Variants in TSR1 observed in about 807,000 individuals in gnomAD.
TSR1 encodes the protein pre-rRNA-processing protein TSR1 homolog.
Under a neutral mutation model 90.9 loss-of-function variants are expected in TSR1, and 81 were observed. The ratio of observed to expected loss-of-function variants is 0.89; its 90% CI spans 0.74 to 1.07. The LOEUF (loss-of-function observed/expected upper bound fraction) is 1.07. Ranked by LOEUF, TSR1 falls within the 50% of genes least tolerant of loss-of-function variation. The pLI, the probability that TSR1 is intolerant of heterozygous loss-of-function variation, is 0.00. For synonymous variants in TSR1, 362 were observed against 348.8 expected (o/e 1.04, Z -0.42); for missense variants, 989 against 987.3 (o/e 1.00, Z -0.02).
chr17:2,329,405 A>G lies in TSR1; in HGVS notation c.1841T>C (p.Leu614Pro). The G allele has an allele frequency of 2.5e-6, 4 of 1,614,204 alleles. No individual in the cohort carries two copies. Among genetic ancestry groups the G allele is most frequent in the Non-Finnish European group, 3.4e-6 (4 of 1,180,034 alleles). The part of the protein sequence containing the change: ...NTEPVKAKEE[L>P]IFHCGFRRFR... ...GCGCCTGAATCCACAGTGAAATATG[A>G]GCTCTTCCTTGGCTTTCACAGGTTC... Residue 614 changes from leucine (L) to proline (P), a missense_variant, in exon 11 of 15, where the codon CTC becomes CCC. Transcript: ENST00000301364.
chr17:2,334,622 A>C lies in TSR1; in HGVS notation c.831T>G (p.Tyr277Ter). ...NLVGTLKISG[Y>*]VRGQTLNVNR... ...TGACATTCAGAGTCTGCCCTCGAAC[A>C]TAGCCTGAAATTTTCAAGGTGCCCA... The change falls in exon 5 of 15, where the codon TAT becomes TAG. Residue 277 changes from tyrosine to a stop codon, truncating the protein, a stop_gained. Coordinates refer to ENST00000301364, the MANE Select transcript of TSR1 (RefSeq NM_018128.5). LOFTEE classifies it high-confidence loss of function. The C allele has an allele frequency of 6.2e-7, 1 of 1,614,044 alleles. No individual in the cohort carries two copies. Among genetic ancestry groups the C allele is most frequent in the Non-Finnish European group, 8.5e-7 (1 of 1,180,030 alleles).
chr17:2,334,668 G>A lies in TSR1; in HGVS notation c.785C>T (p.Pro262Leu), dbSNP rs779358856. The change falls in exon 5 of 15, where the codon CCT becomes CTT. Residue 262 changes from proline to leucine, a missense_variant. Transcript: ENST00000301364. Reference sequence around the variant, plus strand: ...GCCCACCAAGTTATTCTCTTCACTAGGAACAAAATCAACAGCATGGGCAAA... The same window carrying A: ...GCCCACCAAGTTATTCTCTTCACTAAGAACAAAATCAACAGCATGGGCAAA... ...YLFAHAVDFV[P>L]SEENNLVGTL... 35 of 1,613,522 alleles carry A rather than the reference G, an allele frequency of 2.2e-5. No individual in the cohort carries two copies. In the African/African-American group the frequency reaches 3.1e-4, roughly 14 times the overall value.
At chr17:2,326,767 G>A (rs2075578206) in intron 11 of TSR1, among the ~76,000 whole-genome samples, 1 of 152,130 alleles carries the variant, frequency 6.6e-6, no homozygotes, top group African/African-American at 2.4e-5. Flanking sequence ...CTCCCAAGTA[G>A]CTGGGACTGC....
chr17:2,336,420 G>A lies in TSR1; in HGVS notation c.8C>T (p.Ala3Val), dbSNP rs756774567. The change falls in exon 1 of 15, where the codon GCC becomes GTC. Residue 3 changes from alanine to valine, a missense_variant. Transcript: ENST00000301364. MA[A>V]HRPGPLKQQN... Reference sequence around the variant, plus strand: ...CTGCTTGAGCGGGCCGGGGCGGTGGGCCGCCATGCCGCAGCGCGCGTGTAC... The same window carrying A: ...CTGCTTGAGCGGGCCGGGGCGGTGGACCGCCATGCCGCAGCGCGCGTGTAC... 9.3e-6 allele frequency: 15 copies of A among 1,609,528 alleles called. No individual in the cohort carries two copies. Among genetic ancestry groups the A allele is most frequent in the Non-Finnish European group, 1.2e-5 (14 of 1,179,734 alleles).
In TSR1 at chr17:2,335,345, C is replaced by A; in HGVS notation, c.471G>T (p.Leu157=). Residue 157 remains leucine, a synonymous_variant, in exon 4 of 15, where the codon CTG becomes CTT. Transcript: ENST00000301364. ...AGCCTTCTAGTGGATCAAGGAGGAA[C>A]AGGATGGTATCAGCTACTTTAGCCA... ...LDMAKVADTI[L]FLLDPLEGWD... 1.2e-6 allele frequency: 2 copies of A among 1,613,274 alleles called. No homozygotes were observed. The highest frequency in any genetic ancestry group is 1.7e-6 in the Non-Finnish European group (2 of 1,179,966).
chr17:2,335,643 G>C lies in TSR1; in HGVS notation c.289C>G (p.Pro97Ala). ...VVPLHSRISL[P>A]EAMQLLQDRD... ...TCTTGAAGCAGCTGCATGGCCTCTG[G>C]CAGGGAAATTCTGCTGTGCAGGGGC... The change falls in exon 3 of 15, where the codon CCA (proline) becomes GCA (alanine). Residue 97 changes from proline (P) to alanine (A), a missense_variant. Coordinates refer to ENST00000301364, the MANE Select transcript of TSR1 (RefSeq NM_018128.5). 6.2e-7 allele frequency: 1 copy of C among 1,614,112 alleles called. No homozygotes were observed.
At position 2,336,093 on chromosome 17, in the gene TSR1, T is replaced by G; in HGVS notation, c.145A>C (p.Ser49Arg). 2 of 1,614,234 alleles carry G rather than the reference T, an allele frequency of 1.2e-6. No homozygotes were observed. The highest frequency in any genetic ancestry group is 1.7e-6 in the Non-Finnish European group (2 of 1,180,038). Residue 49 changes from serine to arginine, a missense_variant, in exon 2 of 15, where the codon AGC becomes CGC. Physicochemically the swap from Ser to Arg is moderately radical, Grantham distance 110. Coordinates refer to ENST00000301364, the MANE Select transcript of TSR1 (RefSeq NM_018128.5). ...GCGCGATGCCTCTGGTCGACTCTGC[T>G]GAGTTCTTTTCTCACCTTCTTGCTT... Reference protein sequence around the residue: ...TLSKKVRKELSRVDQRHRASQ... With the variant: ...TLSKKVRKELRRVDQRHRASQ...
At chr17:2,335,930 C>A (rs2064066997) in intron 2 of TSR1, 107 bp downstream of exon 2, 1 of 1,321,792 alleles carries the variant, frequency 7.6e-7, no homozygotes. Flanking sequence ...TGCTCTAGGG[C>A]TATGCTCTGT....
At chr17:2,330,457 G>A in intron 10 of TSR1, 58 bp downstream of exon 10, 1 of 1,508,128 alleles carries the variant, frequency 6.6e-7, no homozygotes, top group Non-Finnish European at 9.2e-7. Context: ...ATTTTAGACT[G>A]TCAGAAGCAG....
At position 2,336,109 on chromosome 17, in the gene TSR1, CTTCTTGCTTAGGGTTTTCAG is replaced by C. The variant is rs1424521247; in HGVS notation, c.109_128del (p.Leu37GlyfsTer63). The stretch of plus-strand genomic sequence containing the variant: ...CGACTCTGCTGAGTTCTTTTCTCAC[CTTCTTGCTTAGGGTTTTCAG>C]TGCCAGACGGCCTGAATGGCAGATT... On this transcript the variant is annotated frameshift_variant, in exon 2 of 15. Transcript: ENST00000301364. LOFTEE classifies it high-confidence loss of function. The C allele has an allele frequency of 6.2e-7, 1 of 1,614,052 alleles. No individual in the cohort carries two copies. Among genetic ancestry groups the C allele is most frequent in the Non-Finnish European group, 8.5e-7 (1 of 1,180,044 alleles).
chr17:2,322,963 C>T lies in TSR1; in HGVS notation c.*1233G>A, dbSNP rs964042700. The T allele has an allele frequency of 1.6e-6, 1 of 608,518 alleles. No individual in the cohort carries two copies. The highest frequency in any genetic ancestry group is 1.9e-5 in the African/African-American group (1 of 53,948). The allele number at this position is 608,518 out of a possible 1,614,324, so 37.7% of individuals were successfully genotyped here. On this transcript the variant is annotated 3_prime_UTR_variant, in exon 15 of 15. Coordinates refer to ENST00000301364, the MANE Select transcript of TSR1 (RefSeq NM_018128.5). ...TATTTTTAGTTGACACTGCATTTCA[C>T]CAGGTTGGCCAGGCTGGTCTTGAAC...
intron 2 of TSR1, 26 bp downstream of exon 2, chr17:2,336,011 A>G (rs1254270579): frequency 6.2e-7 from 1 of 1,611,792 alleles, no homozygotes; most frequent in Non-Finnish European, 8.5e-7. Flanking sequence ...GAGAAGCCGC[A>G]TTCTCCCAAA....
chr17:2,335,981 A>G, intron 2 of TSR1, 56 bp downstream of exon 2: 1 of 1,572,070 alleles, frequency 6.4e-7, no homozygotes, highest in Non-Finnish European at 8.7e-7. Flanking sequence ...ACTTCGAGGC[A>G]TTAGCCACCT....
Position 2,332,357 on chromosome 17 carries a change from A to G in TSR1, c.1308T>C (p.Asp436=), listed in dbSNP as rs1464598478. The change falls in exon 8 of 15, where the codon GAT becomes GAC. Residue 436 remains aspartate, a splice_region_variant and synonymous_variant. Coordinates refer to ENST00000301364, the MANE Select transcript of TSR1 (RefSeq NM_018128.5). ...ATTCTTCCTCTTCTTCACTACTCTC[A>G]TCCTGTAGAATAGGATTACAGTTTT... ...HEDFMEEESQ[D]ESSEEEEEYE... 2 of 1,589,116 alleles carry G rather than the reference A, an allele frequency of 1.3e-6. No homozygotes were observed. Among genetic ancestry groups the G allele is most frequent in the Non-Finnish European group, 1.7e-6 (2 of 1,171,992 alleles).
At position 2,333,118 on chromosome 17, in the gene TSR1, A is replaced by G; in HGVS notation, c.1148T>C (p.Leu383Ser). 1 of 1,613,172 alleles carries G rather than the reference A, an allele frequency of 6.2e-7. No individual in the cohort carries two copies. Among genetic ancestry groups the G allele is most frequent in the South Asian group, 1.1e-5 (1 of 90,878 alleles). The change falls in exon 7 of 15, where the codon TTG becomes TCG. Residue 383 changes from leucine (L) to serine (S), a missense_variant. By Grantham distance (145) the Leu-to-Ser change is moderately radical. Transcript: ENST00000301364. ...EEELSEAKDFLKESSKVVKKV... is the reference protein window; with the variant it reads ...EEELSEAKDFSKESSKVVKKV... ...CTTTACCACCTTAGAACTTTCCTTC[A>G]AGAAATCTGTAAAAGCCCAAACAAA...
At position 2,336,406 on chromosome 17, in the gene TSR1, G is replaced by C; in HGVS notation, c.22C>G (p.Pro8Ala). Reference protein sequence around the residue: MAAHRPGPLKQQNKAHKG... With the variant: MAAHRPGALKQQNKAHKG... ...TGAGCTTTATTCTGCTGCTTGAGCGGGCCGGGGCGGTGGGCCGCCATGCCG... is the reference window on the plus strand; with the variant it reads ...TGAGCTTTATTCTGCTGCTTGAGCGCGCCGGGGCGGTGGGCCGCCATGCCG... Residue 8 changes from proline to alanine, a missense_variant, in exon 1 of 15, where the codon CCG becomes GCG. Pro to Ala is a conservative substitution (Grantham distance 27). Coordinates refer to ENST00000301364, the MANE Select transcript of TSR1 (RefSeq NM_018128.5). The C allele has an allele frequency of 6.2e-7, 1 of 1,612,026 alleles. No homozygotes were observed. The highest frequency in any genetic ancestry group is 1.1e-5 in the South Asian group (1 of 91,018).
At chr17:2,328,826 A>G (rs1260227449) in intron 11 of TSR1, among the ~76,000 whole-genome samples, 1 of 147,484 alleles carries the variant, frequency 6.8e-6, no homozygotes, top group African/African-American at 2.5e-5. Flanking sequence ...TGAGGCAGGA[A>G]AATGGTGTAA....
At chr17:2,331,801 C>T (rs2064005705) in intron 8 of TSR1, among the ~76,000 whole-genome samples, 1 of 152,198 alleles carries the variant, frequency 6.6e-6, no homozygotes, top group Admixed American at 6.5e-5. Flanking sequence ...CACTCACCTC[C>T]AGAACAGATA....
chr17:2,326,118 G>C (rs761671270), intron 11 of TSR1, among the ~76,000 whole-genome samples: 1 of 152,096 alleles, frequency 6.6e-6, no homozygotes, highest in Non-Finnish European at 1.5e-5. Context: ...TTGGAGCCTA[G>C]ACTGTATTTG....
Sources: gnomAD v4.1 joint callset for allele counts (sites outside exome capture counted in the v4.1 genomes callset) on GRCh38, gnomAD v4.1.1 for gene constraint, MANE v1.5 for transcripts, NCBI Gene and HGNC (gene_info 2026-07-23, HGNC 2026-07-21) for gene names.